Variants in SLC2A13 observed in about 807,000 individuals in gnomAD.
SLC2A13 encodes solute carrier family 2 member 13, also known as proton myo-inositol cotransporter.
In SLC2A13, 32 loss-of-function variants were observed where a neutral mutation model predicts 64.4. The ratio of observed to expected loss-of-function variants is 0.50; its 90% CI spans 0.37 to 0.67. SLC2A13 has a LOEUF of 0.67. SLC2A13 is among the 30% of genes least tolerant of loss of function. The pLI is 0.00. For missense variants in SLC2A13, 743 were observed against 829.2 expected, an observed-to-expected ratio of 0.90 and a Z score of 1.28; for synonymous variants, 338 against 327.1, an observed-to-expected ratio of 1.03 and a Z score of -0.36.
At position 40,105,138 on chromosome 12, in the gene SLC2A13, T is replaced by C; in HGVS notation, c.556+115A>G. 1 of 1,361,326 alleles carries C rather than the reference T, an allele frequency of 7.3e-7. No individual in the cohort carries two copies. Among genetic ancestry groups the C allele is most frequent in the East Asian group, 3.2e-5 (1 of 31,182 alleles). 84.3% of individuals were successfully genotyped at this position (1,361,326 alleles called of 1,614,324 possible). On this transcript the variant is annotated intron_variant, in intron 1 of 9. Coordinates refer to ENST00000280871, the MANE Select transcript of SLC2A13 (RefSeq NM_052885.4). The surrounding 1 kb of genome is among the most constrained non-coding windows in gnomAD (Gnocchi z 4.2). ...CTCTGGAGGCCAGAGAAGTGGAGGA[T>C]TCTCTGACCCTGGGAGACCAGACGG...
chr12:40,003,990 T>C (rs1419946204), intron 3 of SLC2A13, among the ~76,000 whole-genome samples: 4 of 150,640 alleles, frequency 2.7e-5, no homozygotes, highest in Non-Finnish European at 4.4e-5. Flanking sequence ...CAAAACTCCA[T>C]CTCAAAAACA....
chr12:39,846,356 G>A (rs1478258611), intron 6 of SLC2A13, among the ~76,000 whole-genome samples: 1 of 152,158 alleles, frequency 6.6e-6, no homozygotes, highest in Non-Finnish European at 1.5e-5. Context: ...AATGAAGAGG[G>A]TAGTGGTTAA....
chr12:39,904,528 ACT>A (rs1247221302), intron 4 of SLC2A13, among the ~76,000 whole-genome samples: 1 of 152,004 alleles, frequency 6.6e-6, no homozygotes, highest in Non-Finnish European at 1.5e-5. Context: ...AACTTAGGAC[ACT>A]CTCTCTTTCA....
At chr12:39,803,489 T>C (rs1026933933) in intron 7 of SLC2A13, among the ~76,000 whole-genome samples, 5 of 152,040 alleles carry the variant, frequency 3.3e-5, no homozygotes, top group African/African-American at 1.2e-4. Context: ...AATTAAAAAA[T>C]AGCTACTGTA....
chr12:39,983,238 TAGGCATTACCATTC>T (rs1222765919), intron 3 of SLC2A13, among the ~76,000 whole-genome samples: 1,639 of 140,632 alleles, frequency 0.012, 35 homozygotes, highest in African/African-American at 0.041. Flanking sequence ...GAAGAAAACC[TAGGCATTACCATTC>T]AGGACATAGG....
Position 40,105,251 on chromosome 12 carries a change from A to T in SLC2A13, c.556+2T>A. 6.3e-7 allele frequency: 1 copy of T among 1,585,832 alleles called. No individual in the cohort carries two copies. The highest frequency in any genetic ancestry group is 8.6e-7 in the Non-Finnish European group (1 of 1,169,058). ...GGCGCCCTTCACGGAGCCCGAACTC[A>T]CCGATGCCGAGTCCCACGACCAGGC... On this transcript the variant is annotated splice_donor_variant, in intron 1 of 9. Coordinates refer to ENST00000280871, the MANE Select transcript of SLC2A13 (RefSeq NM_052885.4). LOFTEE classifies it high-confidence loss of function. This position sits in a 1 kb window ranked among gnomAD's most constrained non-coding sequence, Gnocchi z 4.2.
At chr12:39,927,677 T>C (rs186713099) in intron 4 of SLC2A13, among the ~76,000 whole-genome samples, 6 of 152,322 alleles carry the variant, frequency 3.9e-5, no homozygotes, top group African/African-American at 1.2e-4. Context: ...TGCAATGATA[T>C]AGTAACTTGG....
chr12:39,931,423 C>T (rs568399127), intron 4 of SLC2A13, among the ~76,000 whole-genome samples: 2 of 152,356 alleles, frequency 1.3e-5, no homozygotes, highest in East Asian at 3.9e-4. Context: ...CGCCTGCCAG[C>T]AGTGGCTGGC....
intron 3 of SLC2A13, among the ~76,000 whole-genome samples, chr12:39,978,128 T>C (rs1357380140): frequency 2.0e-5 from 3 of 152,186 alleles, no homozygotes; most frequent in African/African-American, 7.2e-5. Flanking sequence ...AGTGAGTGAA[T>C]GAAACGTTTT....
chr12:40,073,128 C>T (rs564111507), intron 1 of SLC2A13, among the ~76,000 whole-genome samples: 1 of 152,058 alleles, frequency 6.6e-6, no homozygotes, highest in African/African-American at 2.4e-5. Context: ...AGTATGAATA[C>T]CTTATAATAG....
chr12:39,777,583 C>T (rs1940821448), intron 7 of SLC2A13, among the ~76,000 whole-genome samples: 1 of 152,164 alleles, frequency 6.6e-6, no homozygotes, highest in Non-Finnish European at 1.5e-5. Flanking sequence ...CCCAAGACCA[C>T]CCTGGCCTGC....
intron 3 of SLC2A13, among the ~76,000 whole-genome samples, chr12:39,991,359 CT>C (rs1565579607): frequency 6.6e-6 from 1 of 152,186 alleles, no homozygotes; most frequent in Non-Finnish European, 1.5e-5. Context: ...CTCCAGTGCT[CT>C]GCTCCCATCA....
intron 1 of SLC2A13, among the ~76,000 whole-genome samples, chr12:40,065,109 A>AT (rs1202254978): frequency 6.6e-6 from 1 of 152,186 alleles, no homozygotes; most frequent in African/African-American, 2.4e-5. Flanking sequence ...GAACAGCAAT[A>AT]TTAAAGTGAG....
intron 4 of SLC2A13, among the ~76,000 whole-genome samples, chr12:39,900,559 G>A (rs1945065881): frequency 6.6e-6 from 1 of 152,044 alleles, no homozygotes; most frequent in African/African-American, 2.4e-5. Context: ...CAAACAGAGA[G>A]CCAAATCATG....
At chr12:39,932,211 T>C (rs1945836605) in intron 4 of SLC2A13, among the ~76,000 whole-genome samples, 1 of 152,214 alleles carries the variant, frequency 6.6e-6, no homozygotes, top group Non-Finnish European at 1.5e-5. Context: ...AATGGATATT[T>C]TTTTCCAGTT....
chr12:40,050,591 C>G (rs1446498129), intron 1 of SLC2A13, among the ~76,000 whole-genome samples: 1 of 152,186 alleles, frequency 6.6e-6, no homozygotes, highest in South Asian at 2.1e-4. Flanking sequence ...TTTATAGGGA[C>G]TAATAATCTT....
At chr12:39,812,394 C>CTTTTCTTT (rs1942200396) in intron 7 of SLC2A13, among the ~76,000 whole-genome samples, 2 of 102,552 alleles carry the variant, frequency 2.0e-5, no homozygotes, top group African/African-American at 9.3e-5. Flanking sequence ...TTCTTTCTCT[C>CTTTTCTTT]TCTCTTTCTT....
At chr12:40,041,620 A>G (rs1418893646) in intron 2 of SLC2A13, among the ~76,000 whole-genome samples, 1 of 152,232 alleles carries the variant, frequency 6.6e-6, no homozygotes, top group Non-Finnish European at 1.5e-5. Context: ...AGTATTAAAT[A>G]CAAGACTAGT....
intron 7 of SLC2A13, among the ~76,000 whole-genome samples, chr12:39,782,780 G>A (rs956785505): frequency 6.6e-6 from 1 of 152,180 alleles, no homozygotes; most frequent in Non-Finnish European, 1.5e-5. Flanking sequence ...TACAGATAGT[G>A]ATATGAACAA....
Sources: allele counts gnomAD v4.1 joint callset (sites outside exome capture counted in the v4.1 genomes callset), GRCh38; gene constraint gnomAD v4.1.1; non-coding constraint Gnocchi (gnomAD v3.1); transcripts MANE v1.5; gene names NCBI Gene and HGNC (gene_info 2026-07-23, HGNC 2026-07-21).